The following SNX18 variants were observed in gnomAD, a reference collection of about 807,000 sequenced individuals.
SNX18 encodes sorting nexin-18.
A neutral mutation model predicts 48.7 loss-of-function variants in SNX18; 35 were observed. The observed-to-expected ratio is 0.72, with a 90% CI of 0.55 to 0.95. The LOEUF is 0.95. Among genes scored for constraint, SNX18 ranks in the 40% least tolerant of loss-of-function variants. The pLI is 0.00. For synonymous variants in SNX18, 492 were observed against 384.7 expected, an observed-to-expected ratio of 1.28 and a Z score of -3.26; for missense variants, 824 against 871.0, an observed-to-expected ratio of 0.95 and a Z score of 0.68.
chr5:54,520,991 C>G (rs80162902), intron 1 of SNX18: 1,679 of 166,624 alleles, frequency 0.01, 32 homozygotes, highest in African/African-American at 0.039. Flanking sequence ...TGTATTAAAC[C>G]TGTATTTACA....
chr5:54,626,523 C>G, the SNX18 span, among the ~76,000 whole-genome samples: 2 of 152,176 alleles, frequency 1.3e-5, no homozygotes, highest in African/African-American at 4.8e-5. Flanking sequence ...CAGCTCTCTG[C>G]TTTGCTTCTG....
chr5:54,616,467 A>G, the SNX18 span, among the ~76,000 whole-genome samples: 3 of 152,166 alleles, frequency 2.0e-5, no homozygotes, highest in Admixed American at 2.0e-4. Context: ...AAAAGTATTA[A>G]AAGATTAAAG....
the SNX18 span, among the ~76,000 whole-genome samples, chr5:54,589,302 T>G: frequency 6.6e-6 from 1 of 152,082 alleles, no homozygotes; most frequent in Admixed American, 6.6e-5. Context: ...CTGTGGCCTT[T>G]CCCTTCCAGA....
chr5:54,592,747 G>A, the SNX18 span, among the ~76,000 whole-genome samples: 9 of 152,296 alleles, frequency 5.9e-5, no homozygotes, highest in East Asian at 3.9e-4. Flanking sequence ...TGATAATGAC[G>A]TGGGTTTGTT....
the SNX18 span, among the ~76,000 whole-genome samples, chr5:54,582,623 A>C: frequency 0.67 from 102,149 of 151,710 alleles, 35,471 homozygotes; most frequent in South Asian, 0.8. Flanking sequence ...AAAAACAAAA[A>C]AACAACAACA....
chr5:54,538,585 A>AT (rs1436698520), intron 1 of SNX18, among the ~76,000 whole-genome samples: 1 of 152,160 alleles, frequency 6.6e-6, no homozygotes, highest in African/African-American at 2.4e-5. Flanking sequence ...TGTGAGATGA[A>AT]TTTTTTAAAA....
At chr5:54,562,184 T>C in the SNX18 span, among the ~76,000 whole-genome samples, 1 of 152,168 alleles carries the variant, frequency 6.6e-6, no homozygotes, top group Non-Finnish European at 1.5e-5. Context: ...TCACTCCCTG[T>C]TACTGATGAA....
chr5:54,605,695 C>T, the SNX18 span, among the ~76,000 whole-genome samples: 1 of 151,984 alleles, frequency 6.6e-6, no homozygotes, highest in South Asian at 2.1e-4. Flanking sequence ...GGTCTTGCAC[C>T]GTCACCCAGG....
chr5:54,611,881 C>CT, the SNX18 span, among the ~76,000 whole-genome samples: 18 of 147,210 alleles, frequency 1.2e-4, no homozygotes, highest in African/African-American at 3.3e-4. Flanking sequence ...TCTTCTTCTT[C>CT]TTTTTTTTTA....
At chr5:54,629,641 C>T in the SNX18 span, among the ~76,000 whole-genome samples, 1 of 152,136 alleles carries the variant, frequency 6.6e-6, no homozygotes, top group Non-Finnish European at 1.5e-5. Context: ...AGTCTCCTTC[C>T]TACTGAAGCC....
the SNX18 span, among the ~76,000 whole-genome samples, chr5:54,590,699 T>C: frequency 1.3e-5 from 2 of 152,138 alleles, no homozygotes; most frequent in African/African-American, 2.4e-5. Context: ...AAAATACATT[T>C]TTGAAAAAAA....
rs530216828 is a variant in SNX18, at chr5:54,518,001, G to A, written c.49G>A (p.Gly17Arg). 4 of 1,545,898 alleles carry A rather than the reference G, an allele frequency of 2.6e-6. No homozygotes were observed. Among genetic ancestry groups the A allele is most frequent in the East Asian group, 2.6e-5 (1 of 38,620 alleles). Residue 17 changes from glycine to arginine, a missense_variant, in exon 1 of 2, where the codon GGA becomes AGA. Gly to Arg is a moderately radical substitution (Grantham distance 125, BLOSUM62 -2). Transcript: ENST00000381410. ...ALYDFRSENP[G>R]EISLREHEVL... is the part of the protein sequence containing the mutation. The stretch of plus-strand genomic sequence containing the variant: ...GTACGACTTCAGGTCGGAGAACCCA[G>A]GAGAGATCTCGCTGCGAGAGCACGA...
At chr5:54,639,772 C>T in the SNX18 span, among the ~76,000 whole-genome samples, 1 of 151,924 alleles carries the variant, frequency 6.6e-6, no homozygotes, top group Non-Finnish European at 1.5e-5. Flanking sequence ...TACGCTCAAG[C>T]GTACTCAGAG....
the SNX18 span, among the ~76,000 whole-genome samples, chr5:54,563,308 C>T: frequency 1.3e-5 from 2 of 152,190 alleles, no homozygotes; most frequent in Non-Finnish European, 2.9e-5. Context: ...AGACCAGCTT[C>T]CAGTCCTACA....
chr5:54,614,731 T>A, the SNX18 span, among the ~76,000 whole-genome samples: 1 of 152,132 alleles, frequency 6.6e-6, no homozygotes. Context: ...GGTGGGAGGA[T>A]CACTTGAGCT....
chr5:54,584,337 T>C, the SNX18 span, among the ~76,000 whole-genome samples: 11 of 151,968 alleles, frequency 7.2e-5, no homozygotes, highest in African/African-American at 2.7e-4. Flanking sequence ...TGTGAGCCAC[T>C]GCGTCCAGGC....
the SNX18 span, among the ~76,000 whole-genome samples, chr5:54,562,567 C>T: frequency 3.3e-5 from 5 of 152,130 alleles, no homozygotes; most frequent in Admixed American, 1.3e-4. Flanking sequence ...TGCAGCACAA[C>T]GCGTTTCTCC....
At chr5:54,529,872 T>C (rs1228328625) in intron 1 of SNX18, among the ~76,000 whole-genome samples, 1 of 152,222 alleles carries the variant, frequency 6.6e-6, no homozygotes, top group Non-Finnish European at 1.5e-5. Flanking sequence ...CAGCATTAAT[T>C]ATCAGCTATT....
the SNX18 span, among the ~76,000 whole-genome samples, chr5:54,604,665 G>C: frequency 6.6e-6 from 1 of 152,146 alleles, no homozygotes; most frequent in Non-Finnish European, 1.5e-5. Flanking sequence ...AGTTTGGCAA[G>C]ATGAAAAAGT....
Sources: gnomAD v4.1 joint callset for allele counts (sites outside exome capture counted in the v4.1 genomes callset) on GRCh38, gnomAD v4.1.1 for gene constraint, MANE v1.5 for transcripts, NCBI Gene and HGNC (gene_info 2026-07-23, HGNC 2026-07-21) for gene names.